The following NKAIN3 variants were observed in gnomAD, a reference collection of about 807,000 sequenced individuals.
The protein encoded by NKAIN3 is sodium/potassium-transporting ATPase subunit beta-1-interacting protein 3.
Under a neutral mutation model 30.2 loss-of-function variants are expected in NKAIN3, and 25 were observed. The ratio of observed to expected loss-of-function variants is 0.83; its 90% CI spans 0.60 to 1.16. The LOEUF (loss-of-function observed/expected upper bound fraction) is 1.16, where lower values mean the gene tolerates loss of function less well. Ranked by LOEUF, NKAIN3 falls within the 50% of genes most tolerant of loss-of-function variation. The probability of loss-of-function intolerance (pLI) is 0.00; values close to 1 mark genes in which losing one functional copy is unlikely to be tolerated. For missense variants in NKAIN3, 225 were observed against 254.1 expected (o/e 0.89, Z 0.78); for synonymous variants, 91 against 89.6 (o/e 1.02, Z -0.09).
rs192003990 is a variant in NKAIN3 at position 62,343,653 on chromosome 8, A to T, written c.54+94526A>T. ...AGCAAGATCCCATGCCTTCAAAAAA[A>T]TTTTTTAATTAACTGGGCATGGTGA... On this transcript the variant is annotated intron_variant, in intron 1 of 6. Coordinates refer to ENST00000623646, the MANE Select transcript of NKAIN3 (RefSeq NM_001304533.3). 2.0e-3 allele frequency among the ~76,000 whole-genome samples: 298 copies of T among 151,900 alleles called. 2 individuals are homozygous for T. Among genetic ancestry groups the T allele is most frequent in the Middle Eastern group, 6.8e-3 (2 of 294 alleles).
chr8:62,265,260 G>A (rs1207398437), intron 1 of NKAIN3, among the ~76,000 whole-genome samples: 3 of 152,178 alleles, frequency 2.0e-5, no homozygotes, highest in African/African-American at 7.2e-5. Flanking sequence ...AGCCATGAAA[G>A]TGACTATTCT....
At chr8:62,665,115 G>A (rs904365960) in intron 3 of NKAIN3, among the ~76,000 whole-genome samples, 1 of 152,150 alleles carries the variant, frequency 6.6e-6, no homozygotes, top group Non-Finnish European at 1.5e-5. Context: ...AACTGAGTCA[G>A]AATCTCCATT....
chr8:62,677,848 G>A (rs1387844377), intron 3 of NKAIN3, among the ~76,000 whole-genome samples: 1 of 152,146 alleles, frequency 6.6e-6, no homozygotes, highest in East Asian at 1.9e-4. Context: ...ACTTGAAGAT[G>A]TACCCCTAAC....
intron 4 of NKAIN3, among the ~76,000 whole-genome samples, chr8:62,914,868 T>G (rs192413823): frequency 6.6e-6 from 1 of 150,946 alleles, no homozygotes; most frequent in Non-Finnish European, 1.5e-5. Context: ...GCATGTGCCA[T>G]GGTGGCTTGC....
chr8:62,469,533 T>C (rs1806261984), intron 1 of NKAIN3, among the ~76,000 whole-genome samples: 1 of 152,154 alleles, frequency 6.6e-6, no homozygotes, highest in African/African-American at 2.4e-5. Context: ...AGAGAAGACC[T>C]GCCTTGTCAA....
intron 5 of NKAIN3, among the ~76,000 whole-genome samples, chr8:62,951,397 A>T (rs1823281051): frequency 6.6e-6 from 1 of 152,216 alleles, no homozygotes; most frequent in South Asian, 2.1e-4. Flanking sequence ...TATTTAAATA[A>T]TTTTAATTTT....
chr8:62,738,987 C>T (rs886099745), intron 3 of NKAIN3, among the ~76,000 whole-genome samples: 1 of 152,124 alleles, frequency 6.6e-6, no homozygotes, highest in Non-Finnish European at 1.5e-5. Context: ...AAGCTGGAAA[C>T]CATCATTCTC....
chr8:62,863,119 G>A (rs1350128173), intron 4 of NKAIN3: 1 of 1,407,216 alleles, frequency 7.1e-7, no homozygotes, highest in Non-Finnish European at 1.0e-6. Context: ...CTGCTCATTG[G>A]AAGGTGCAGC....
At chr8:62,689,524 T>C (rs1813896838) in intron 3 of NKAIN3, among the ~76,000 whole-genome samples, 1 of 152,182 alleles carries the variant, frequency 6.6e-6, no homozygotes, top group South Asian at 2.1e-4. Context: ...CTTTACCCCA[T>C]TAATATACAT....
rs71255350 is a variant in NKAIN3 at position 62,580,906 on chromosome 8, T to TTATATATATA, written c.192+1241_192+1250dup. Reference sequence around the variant, plus strand: ...AGGAGTTCAAGAGCAGCTAGGGTTTTTATATATATATATATATATAGAAAT... The same window carrying TTATATATATA: ...AGGAGTTCAAGAGCAGCTAGGGTTTTTATATATATATATATATATATATATATATAGAAAT... On this transcript the variant is annotated intron_variant, in intron 2 of 6. Coordinates refer to ENST00000623646, the MANE Select transcript of NKAIN3 (RefSeq NM_001304533.3). Among the ~76,000 whole-genome samples the TTATATATATA allele has an allele frequency of 5.4e-3, 605 of 112,288 alleles. 4 individuals are homozygous for TTATATATATA. Among genetic ancestry groups the TTATATATATA allele is most frequent in the East Asian group, 0.032 (132 of 4,160 alleles). The allele number at this position is 112,288 out of a possible 152,430, so 73.7% of individuals were successfully genotyped here. A position where few individuals can be genotyped will look rare whatever the true frequency, so the allele number is the denominator to read the frequency against.
chr8:62,393,878 T>A (rs528317755), intron 1 of NKAIN3, among the ~76,000 whole-genome samples: 7 of 152,284 alleles, frequency 4.6e-5, no homozygotes, highest in Middle Eastern at 3.4e-3. Context: ...TAAAATTTGA[T>A]TTTATTGTCA....
chr8:62,903,274 C>A (rs1335271975), intron 4 of NKAIN3, among the ~76,000 whole-genome samples: 1 of 152,170 alleles, frequency 6.6e-6, no homozygotes, highest in Non-Finnish European at 1.5e-5. Flanking sequence ...TAATTTCAGG[C>A]TTCACTTGGC....
chr8:62,327,839 A>G (rs1012425793), intron 1 of NKAIN3, among the ~76,000 whole-genome samples: 2 of 152,066 alleles, frequency 1.3e-5, no homozygotes, highest in Admixed American at 1.3e-4. Flanking sequence ...TTTGATAGGA[A>G]TTGCATTGAA....
At chr8:62,874,865 G>A (rs1354171008) in intron 4 of NKAIN3, among the ~76,000 whole-genome samples, 2 of 152,126 alleles carry the variant, frequency 1.3e-5, no homozygotes, top group Non-Finnish European at 2.9e-5. Flanking sequence ...ATATCCTATT[G>A]AATGGGCAAA....
intron 5 of NKAIN3, among the ~76,000 whole-genome samples, chr8:62,991,266 G>A (rs995347402): frequency 6.6e-6 from 1 of 152,210 alleles, no homozygotes; most frequent in African/African-American, 2.4e-5. Context: ...GAAACCATGA[G>A]AGGGTGTTAG....
At chr8:62,265,272 T>C (rs1200626209) in intron 1 of NKAIN3, among the ~76,000 whole-genome samples, 1 of 152,228 alleles carries the variant, frequency 6.6e-6, no homozygotes, top group African/African-American at 2.4e-5. Context: ...GACTATTCTA[T>C]AATTAATCTC....
At chr8:62,545,598 C>T (rs949166197) in intron 1 of NKAIN3, among the ~76,000 whole-genome samples, 2 of 152,040 alleles carry the variant, frequency 1.3e-5, no homozygotes, top group South Asian at 4.1e-4. Flanking sequence ...ATAAATAAAT[C>T]AGCACACCTT....
intron 1 of NKAIN3, among the ~76,000 whole-genome samples, chr8:62,390,111 A>G (rs180868866): frequency 9.3e-4 from 141 of 152,076 alleles, no homozygotes; most frequent in African/African-American, 3.1e-3. Context: ...AACTTGTGTC[A>G]TGGGGTTTTT....
At chr8:62,275,586 G>A (rs1351716750) in intron 1 of NKAIN3, among the ~76,000 whole-genome samples, 9 of 152,064 alleles carry the variant, frequency 5.9e-5, no homozygotes, top group Admixed American at 4.6e-4. Context: ...CAGCTTTTAT[G>A]ACCAACTAAG....
Sources: allele counts gnomAD v4.1 joint callset (sites outside exome capture counted in the v4.1 genomes callset), GRCh38; gene constraint gnomAD v4.1.1; transcripts MANE v1.5; gene names NCBI Gene and HGNC (gene_info 2026-07-23, HGNC 2026-07-21).